The following P4HA1 variants were observed in gnomAD, a reference collection of about 807,000 sequenced individuals.
P4HA1 encodes the protein prolyl 4-hydroxylase subunit alpha-1.
In P4HA1, 24 loss-of-function variants were observed where a neutral mutation model predicts 72.8. The observed-to-expected ratio is 0.33, with a 90% CI of 0.24 to 0.46. The LOEUF (loss-of-function observed/expected upper bound fraction) is 0.46, where lower values mean the gene tolerates loss of function less well. Ranked by LOEUF, P4HA1 falls within the 20% of genes least tolerant of loss-of-function variation. The pLI, the probability that P4HA1 is intolerant of heterozygous loss-of-function variation, is 1.00. For missense variants in P4HA1, 446 were observed against 640.6 expected (o/e 0.70, Z 3.28); for synonymous variants, 201 against 218.8 (o/e 0.92, Z 0.72).
intron 9 of P4HA1, among the ~76,000 whole-genome samples, 164 bp from the exon 10 acceptor site, chr10:73,030,534 G>A (rs1257608133): frequency 6.6e-6 from 1 of 151,946 alleles, no homozygotes; most frequent in Non-Finnish European, 1.5e-5. Context: ...AATGGATATT[G>A]TAATTTTTTT....
At chr10:73,073,708 T>C (rs1007634210) in intron 3 of P4HA1, 23 bp downstream of exon 3, 3 of 1,061,818 alleles carry the variant, frequency 2.8e-6, no homozygotes, top group African/African-American at 3.1e-5. Flanking sequence ...GTCAGAGTCA[T>C]AATAAGCAAA....
chr10:73,055,604 T>C (rs976897098), intron 5 of P4HA1, among the ~76,000 whole-genome samples: 1 of 152,252 alleles, frequency 6.6e-6, no homozygotes, highest in African/African-American at 2.4e-5. Flanking sequence ...TCCAACTTAT[T>C]AATCTTTCAG....
At chr10:73,014,770 C>T (rs1246716438) in intron 11 of P4HA1, among the ~76,000 whole-genome samples, 1 of 151,894 alleles carries the variant, frequency 6.6e-6, no homozygotes, top group African/African-American at 2.4e-5. Context: ...CTTAATTTAC[C>T]TTGAGACTTA....
intron 1 of P4HA1, among the ~76,000 whole-genome samples, chr10:73,095,197 A>G (rs895681103): frequency 6.8e-6 from 1 of 146,868 alleles, no homozygotes; most frequent in Non-Finnish European, 1.5e-5. Context: ...TGAAGTTCAC[A>G]TTTCAGATTC....
intron 8 of P4HA1, 127 bp from the exon 9 acceptor site, chr10:73,045,178 C>T: frequency 1.5e-6 from 1 of 671,356 alleles, no homozygotes; most frequent in Non-Finnish European, 2.5e-6. Flanking sequence ...CATACACTTC[C>T]AGTCACCTTG....
At position 73,037,551 on chromosome 10, in the gene P4HA1, ATATATATATATATATATATATT is replaced by A. The variant is rs1295881522; in HGVS notation, c.1149-7203_1149-7182del. Among the ~76,000 whole-genome samples the A allele has an allele frequency of 8.8e-4, 27 of 30,586 alleles. 1 individual carries two copies. The highest frequency in any genetic ancestry group is 2.2e-3 in the African/African-American group (17 of 7,592). The allele number at this position is 30,586 out of a possible 152,430, so 20.1% of individuals were successfully genotyped here. On this transcript the variant is annotated intron_variant, in intron 9 of 14. Coordinates refer to ENST00000394890, the MANE Select transcript of P4HA1 (RefSeq NM_001017962.3). ...TATATATATATATATATATATATATATATATATATATATATATATATTTTTTTTTTTTTTTTTTTACAAAGGC... is the reference window on the plus strand; with the variant it reads ...TATATATATATATATATATATATATATTTTTTTTTTTTTTTTTACAAAGGC...
chr10:73,042,113 A>G (rs998847088), intron 9 of P4HA1, among the ~76,000 whole-genome samples: 1 of 152,108 alleles, frequency 6.6e-6, no homozygotes, highest in Non-Finnish European at 1.5e-5. Context: ...GTATTAAATA[A>G]ATTTGTATGA....
Position 73,053,390 on chromosome 10 carries a change from C to G in P4HA1, c.664G>C (p.Asp222His), listed in dbSNP as rs778735708. ...TTCTTTGTGAGCAAAAGTGCCTTATCCAGGTCTCCCTGCTGATATACCGCA... is the reference window on the plus strand; with the variant it reads ...TTCTTTGTGAGCAAAAGTGCCTTATGCAGGTCTCCCTGCTGATATACCGCA... ...SYAVYQQGDL[D>H]KALLLTKKLL... The change falls in exon 6 of 15, where the codon GAT (aspartate) becomes CAT (histidine). Residue 222 changes from aspartate (D) to histidine (H), a missense_variant. Physicochemically the swap from Asp to His is moderately conservative, Grantham distance 81. Coordinates refer to ENST00000394890, the MANE Select transcript of P4HA1 (RefSeq NM_001017962.3). 2 of 1,613,996 alleles carry G rather than the reference C, an allele frequency of 1.2e-6. No homozygotes were observed. Among genetic ancestry groups the G allele is most frequent in the African/African-American group, 2.7e-5 (2 of 74,920 alleles).
chr10:73,084,738 A>T (rs561854674), intron 1 of P4HA1, among the ~76,000 whole-genome samples: 3 of 152,376 alleles, frequency 2.0e-5, no homozygotes, highest in South Asian at 4.1e-4. Flanking sequence ...AAACAATTTT[A>T]AAAAGCTCAT....
chr10:73,014,581 G>T (rs79263132), intron 11 of P4HA1, among the ~76,000 whole-genome samples: 7,681 of 152,012 alleles, frequency 0.051, 661 homozygotes, highest in African/African-American at 0.18. Context: ...CCTCAAATAC[G>T]TGATGACTGA....
chr10:73,016,977 T>C (rs1370404424), intron 10 of P4HA1, 78 bp from the exon 11 acceptor site: 12 of 1,118,086 alleles, frequency 1.1e-5, no homozygotes, highest in Middle Eastern at 2.0e-4. Context: ...ACCTCATTTT[T>C]TGGACTTTTA....
chr10:73,061,471 T>C (rs1841313207), intron 5 of P4HA1, among the ~76,000 whole-genome samples: 1 of 152,048 alleles, frequency 6.6e-6, no homozygotes, highest in Non-Finnish European at 1.5e-5. Context: ...TTAACAGACA[T>C]AATTTAAAAA....
At chr10:73,068,048 T>G (rs1841468526) in intron 5 of P4HA1, among the ~76,000 whole-genome samples, 1 of 152,192 alleles carries the variant, frequency 6.6e-6, no homozygotes, top group South Asian at 2.1e-4. Context: ...AACTGAAAAT[T>G]TGCAAATTTG....
chr10:73,027,176 T>C (rs1231709667), intron 10 of P4HA1, among the ~76,000 whole-genome samples: 1 of 152,084 alleles, frequency 6.6e-6, no homozygotes. Flanking sequence ...CTATTCACAA[T>C]AGCAAAGACT....
Position 73,074,874 on chromosome 10 carries a change from A to G in P4HA1, c.10T>C (p.Tyr4His), listed in dbSNP as rs1454284978. 2 of 1,503,550 alleles carry G rather than the reference A, an allele frequency of 1.3e-6. No individual in the cohort carries two copies. The highest frequency in any genetic ancestry group is 2.8e-5 in the African/African-American group (2 of 72,452). The allele number at this position is 1,503,550 out of a possible 1,614,324, so 93.1% of individuals were successfully genotyped here. A position where few individuals can be genotyped will look rare whatever the true frequency, so the allele number is the denominator to read the frequency against. Residue 4 changes from tyrosine to histidine, a missense_variant, in exon 2 of 15, where the codon TAT becomes CAT. Coordinates refer to ENST00000394890, the MANE Select transcript of P4HA1 (RefSeq NM_001017962.3). The stretch of plus-strand genomic sequence containing the variant: ...AGCAGAATTCCTATAATTAATATAT[A>G]CCAGATCATCTTGGAAGATTTAATT... Reference protein sequence around the residue: MIWYILIIGILLPQ... With the variant: MIWHILIIGILLPQ...
rs2133137486 is a variant in P4HA1 at position 73,074,998 on chromosome 10, A to G, written c.-32-83T>C. On this transcript the variant is annotated intron_variant, in intron 1 of 14. Transcript: ENST00000394890. Reference sequence around the variant, plus strand: ...GTTCCTTATCTATTATTTCTATGAAAAAGTAAAAGATTCCAAGGTTGCCCA... The same window carrying G: ...GTTCCTTATCTATTATTTCTATGAAGAAGTAAAAGATTCCAAGGTTGCCCA... The G allele has an allele frequency of 3.4e-6, 2 of 586,926 alleles. 1 individual carries two copies. The highest frequency in any genetic ancestry group is 4.7e-5 in the South Asian group (2 of 42,308). The allele number at this position is 586,926 out of a possible 1,614,324, so 36.4% of individuals were successfully genotyped here. A position where few individuals can be genotyped will look rare whatever the true frequency, so the allele number is the denominator to read the frequency against.
chr10:73,044,035 A>C lies in P4HA1; in HGVS notation c.1148+946T>G. On this transcript the variant is annotated intron_variant, in intron 9 of 14. Transcript: ENST00000394890. ...GCTTTTTGTTTGTTTTGTTTTGCCAAGCCACAGGTGATTGGAAGGGTTCAG... is the reference window on the plus strand; with the variant it reads ...GCTTTTTGTTTGTTTTGTTTTGCCACGCCACAGGTGATTGGAAGGGTTCAG... 3 of 1,023,590 alleles carry C rather than the reference A, an allele frequency of 2.9e-6. No homozygotes were observed. In the Admixed American group the frequency reaches 5.5e-5, roughly 19 times the overall value. 63.4% of individuals were successfully genotyped at this position (1,023,590 alleles called of 1,614,324 possible). A position where few individuals can be genotyped will look rare whatever the true frequency, so the allele number is the denominator to read the frequency against.
At chr10:73,031,903 C>G (rs1470494622) in intron 9 of P4HA1, among the ~76,000 whole-genome samples, 1 of 152,180 alleles carries the variant, frequency 6.6e-6, no homozygotes, top group Non-Finnish European at 1.5e-5. Flanking sequence ...TCTCACTGAG[C>G]TTTGATTCCA....
At chr10:73,016,783 G>C in intron 11 of P4HA1, 63 bp downstream of exon 11, 1 of 1,271,870 alleles carries the variant, frequency 7.9e-7, no homozygotes, top group East Asian at 2.4e-5. Context: ...TTTTTGTTTT[G>C]TTTTGAGACA....
Sources: gnomAD v4.1 joint callset for allele counts (sites outside exome capture counted in the v4.1 genomes callset) on GRCh38, gnomAD v4.1.1 for gene constraint, MANE v1.5 for transcripts, NCBI Gene and HGNC (gene_info 2026-07-23, HGNC 2026-07-21) for gene names.